The following FAT3 variants were observed in gnomAD, a reference collection of about 807,000 sequenced individuals.
The protein encoded by FAT3 is protocadherin Fat 3.
FAT3 carries 95 observed loss-of-function variants against 310.2 expected under a neutral mutation model. The observed-to-expected ratio is 0.31, with a 90% CI of 0.26 to 0.36. The LOEUF is 0.36. Among genes scored for constraint, FAT3 ranks in the 10% least tolerant of loss-of-function variants. The pLI, the probability that FAT3 is intolerant of heterozygous loss-of-function variation, is 1.00. For synonymous variants in FAT3, 2,314 were observed against 2,192.9 expected (o/e 1.06, Z -1.54); for missense variants, 5,408 against 5,715.6 (o/e 0.95, Z 1.74).
intron 6 of FAT3, among the ~76,000 whole-genome samples, chr11:92,773,169 A>C (rs1220834986): frequency 2.0e-5 from 3 of 152,166 alleles, no homozygotes; most frequent in Non-Finnish European, 4.4e-5. Context: ...TCATTTTGGG[A>C]AGATCATAAA....
At chr11:92,837,207 A>G (rs1285036855) in intron 16 of FAT3, among the ~76,000 whole-genome samples, 2 of 152,234 alleles carry the variant, frequency 1.3e-5, no homozygotes, top group African/African-American at 2.4e-5. Context: ...CATGGCAATG[A>G]TGCTAAAAAG....
At chr11:92,678,834 A>C (rs1943374842) in intron 3 of FAT3, among the ~76,000 whole-genome samples, 1 of 152,230 alleles carries the variant, frequency 6.6e-6, no homozygotes, top group Admixed American at 6.5e-5. Flanking sequence ...TATGTGGTAC[A>C]TGTGCAATTT....
chr11:92,538,574 A>C (rs1308460012), intron 3 of FAT3, among the ~76,000 whole-genome samples: 2 of 152,176 alleles, frequency 1.3e-5, no homozygotes, highest in Non-Finnish European at 2.9e-5. Flanking sequence ...ATCGATGAAT[A>C]ATCAATCTGA....
Position 92,275,005 on chromosome 11 carries a change from C to T in FAT3, c.-18+49831C>T, listed in dbSNP as rs906859441. Among the ~76,000 whole-genome samples the T allele has an allele frequency of 4.6e-5, 7 of 152,046 alleles. No individual in the cohort carries two copies. The South Asian group carries it at 6.2e-4, about 14-fold the overall frequency. Reference sequence around the variant, plus strand: ...TTGCACACATACACAGTAGTTACTTCGATATTTTAGCTATGTTTGTCAGGT... The same window carrying T: ...TTGCACACATACACAGTAGTTACTTTGATATTTTAGCTATGTTTGTCAGGT... On this transcript the variant is annotated intron_variant, in intron 1 of 27. Transcript: ENST00000525166.
chr11:92,813,746 G>A (rs1399859821), intron 13 of FAT3, among the ~76,000 whole-genome samples: 1 of 152,154 alleles, frequency 6.6e-6, no homozygotes, highest in African/African-American at 2.4e-5. Context: ...TGTCTAATTG[G>A]TTTTTGATCC....
intron 2 of FAT3, among the ~76,000 whole-genome samples, chr11:92,411,650 G>A (rs535788237): frequency 1.3e-5 from 2 of 152,122 alleles, no homozygotes; most frequent in East Asian, 3.9e-4. Flanking sequence ...GGGTGGGAGG[G>A]GCCGACAGAA....
chr11:92,869,444 T>C (rs1313404719), intron 22 of FAT3, among the ~76,000 whole-genome samples: 1 of 152,208 alleles, frequency 6.6e-6, no homozygotes, highest in Non-Finnish European at 1.5e-5. Flanking sequence ...GTTGCTTTCC[T>C]GGGGAGCCAA....
rs539255828 is a variant in FAT3, at chr11:92,383,093, G to T, written c.3292+27689G>T. Among the ~76,000 whole-genome samples the T allele has an allele frequency of 1.9e-4, 29 of 152,242 alleles. 1 individual carries two copies. Among genetic ancestry groups the T allele is most frequent in the African/African-American group, 6.0e-4 (25 of 41,542 alleles). ...TATAAGTGAGAATATGCAGTGTTTG[G>T]TTTTTTGTTCCTGCATTAGTTTGCT... On this transcript the variant is annotated intron_variant, in intron 2 of 27. Coordinates refer to ENST00000525166, the MANE Select transcript of FAT3 (RefSeq NM_001367949.2).
intron 2 of FAT3, among the ~76,000 whole-genome samples, chr11:92,451,005 C>G (rs775619739): frequency 2.6e-5 from 4 of 152,112 alleles, no homozygotes; most frequent in Non-Finnish European, 4.4e-5. Context: ...GACTATAGAA[C>G]AGCTTTAGTT....
intron 13 of FAT3, among the ~76,000 whole-genome samples, chr11:92,814,803 C>A (rs1411680275): frequency 6.6e-6 from 1 of 152,152 alleles, no homozygotes; most frequent in Non-Finnish European, 1.5e-5. Flanking sequence ...GTGCAGCAAA[C>A]CACCATGGCA....
intron 3 of FAT3, among the ~76,000 whole-genome samples, chr11:92,525,848 A>G (rs1953843600): frequency 6.6e-6 from 1 of 152,168 alleles, no homozygotes; most frequent in African/African-American, 2.4e-5. Context: ...AATCTAGTTG[A>G]TGGTCGTTTC....
rs375665274 is a variant in FAT3 at position 92,801,391 on chromosome 11, A to T, written c.8378A>T (p.Asp2793Val). ...VAATIPLDKV[D>V]IVFTVDVDIK... Reference sequence around the variant, plus strand: ...GCCACTATACCCCTGGACAAAGTAGACATTGTGTTTACTGTGGATGTAGAT... The same window carrying T: ...GCCACTATACCCCTGGACAAAGTAGTCATTGTGTTTACTGTGGATGTAGAT... Residue 2793 changes from aspartate (D) to valine (V), a missense_variant, in exon 10 of 28, where the codon GAC becomes GTC. By Grantham distance (152) the Asp-to-Val change is radical. Transcript: ENST00000525166. 1 of 1,613,950 alleles carries T rather than the reference A, an allele frequency of 6.2e-7. No homozygotes were observed. Among genetic ancestry groups the T allele is most frequent in the Non-Finnish European group, 8.5e-7 (1 of 1,179,866 alleles).
chr11:92,744,695 A>C (rs535745931), intron 4 of FAT3, among the ~76,000 whole-genome samples: 1 of 152,110 alleles, frequency 6.6e-6, no homozygotes, highest in Non-Finnish European at 1.5e-5. Context: ...TTTAATTTTT[A>C]GGAGAATCTG....
At chr11:92,298,438 A>G (rs565945263) in intron 1 of FAT3, among the ~76,000 whole-genome samples, 1 of 152,214 alleles carries the variant, frequency 6.6e-6, no homozygotes, top group South Asian at 2.1e-4. Context: ...TGGTTTCCCT[A>G]TGTACAGTCA....
chr11:92,798,372 A>G lies in FAT3; in HGVS notation c.5359A>G (p.Ile1787Val), dbSNP rs1222860620. 1.2e-6 allele frequency: 2 copies of G among 1,613,342 alleles called. No individual in the cohort carries two copies. Among genetic ancestry groups the G allele is most frequent in the African/African-American group, 1.3e-5 (1 of 74,902 alleles). ...AAGTGAGGCTGCCCCAATTAATAGC[A>G]TTGTCAGGAGCTTGGATAACAGCCC... is the stretch of plus-strand genomic sequence containing the variant. ...SLSEAAPINS[I>V]VRSLDNSPLV... The change falls in exon 10 of 28, where the codon ATT (isoleucine) becomes GTT (valine). Residue 1787 changes from isoleucine (I) to valine (V), a missense_variant. Ile to Val is a conservative substitution (Grantham distance 29). This residue lies in a region of FAT3 where 4,588 missense variants were observed against 4,809.8 expected (regional missense o/e 0.95). Coordinates refer to ENST00000525166, the MANE Select transcript of FAT3 (RefSeq NM_001367949.2).
Position 92,354,614 on chromosome 11 carries a change from C to T in FAT3, c.2502C>T (p.Asp834=). 6.2e-7 allele frequency: 1 copy of T among 1,613,788 alleles called. No homozygotes were observed. Among genetic ancestry groups the T allele is most frequent in the East Asian group, 2.2e-5 (1 of 44,872 alleles). ...ACAATAGCCCAGTTTTTATTCAAGACAGTTACTCAGTTAACATTCTTGAAA... is the reference window on the plus strand; with the variant it reads ...ACAATAGCCCAGTTTTTATTCAAGATAGTTACTCAGTTAACATTCTTGAAA... ...ANDNSPVFIQ[D]SYSVNILESS... The change falls in exon 2 of 28, where the codon GAC becomes GAT. Residue 834 remains aspartate, a synonymous_variant. Coordinates refer to ENST00000525166, the MANE Select transcript of FAT3 (RefSeq NM_001367949.2).
At chr11:92,609,000 C>T (rs1326317890) in intron 3 of FAT3, among the ~76,000 whole-genome samples, 3 of 152,112 alleles carry the variant, frequency 2.0e-5, no homozygotes, top group South Asian at 4.1e-4. Flanking sequence ...GAGATACTCC[C>T]GAATTTTGCA....
intron 13 of FAT3, among the ~76,000 whole-genome samples, chr11:92,829,902 T>C (rs1948197829): frequency 6.6e-6 from 1 of 152,170 alleles, no homozygotes; most frequent in Admixed American, 6.5e-5. Context: ...ATATATGATT[T>C]TATTGGTTTG....
At chr11:92,319,192 A>G (rs1168013579) in intron 1 of FAT3, among the ~76,000 whole-genome samples, 1 of 152,216 alleles carries the variant, frequency 6.6e-6, no homozygotes, top group Non-Finnish European at 1.5e-5. Flanking sequence ...AGCGTGTTTC[A>G]CAATTAAGAG....
Sources: gnomAD v4.1 joint callset for allele counts (sites outside exome capture counted in the v4.1 genomes callset) on GRCh38, gnomAD v4.1.1 for gene constraint, gnomAD v4.1.1 regional missense constraint, MANE v1.5 for transcripts, NCBI Gene and HGNC (gene_info 2026-07-23, HGNC 2026-07-21) for gene names.